TBC1D14: variants seen among roughly 807,000 people sequenced by gnomAD.
TBC1D14 encodes TBC1 domain family, member 14.
A neutral mutation model predicts 79.0 loss-of-function variants in TBC1D14; 26 were observed. The observed-to-expected ratio is 0.33, with a 90% CI of 0.24 to 0.46. The LOEUF (loss-of-function observed/expected upper bound fraction) is 0.46, where lower values mean the gene tolerates loss of function less well. Among genes scored for constraint, TBC1D14 ranks in the 20% least tolerant of loss-of-function variants. The probability of loss-of-function intolerance (pLI) is 1.00; values close to 1 mark genes in which losing one functional copy is unlikely to be tolerated. For missense variants in TBC1D14, 769 were observed against 887.6 expected (o/e 0.87, Z 1.70); for synonymous variants, 394 against 349.9 (o/e 1.13, Z -1.40).
intron 2 of TBC1D14, among the ~76,000 whole-genome samples, chr4:6,944,020 C>T (rs1167535279): frequency 2.0e-5 from 2 of 101,812 alleles, no homozygotes; most frequent in African/African-American, 6.2e-5. Flanking sequence ...GAAGCCGGCG[C>T]GTTCTGCCGG....
intron 2 of TBC1D14, among the ~76,000 whole-genome samples, chr4:6,957,904 AAAAT>A (rs765150154): frequency 3.3e-5 from 5 of 151,800 alleles, no homozygotes; most frequent in Admixed American, 6.6e-5. Context: ...CTCTCAGGAA[AAAAT>A]AAATAAATAA....
intron 8 of TBC1D14, among the ~76,000 whole-genome samples, chr4:7,006,075 C>G (rs916277781): frequency 2.6e-5 from 4 of 152,120 alleles, no homozygotes; most frequent in Non-Finnish European, 4.4e-5. Context: ...CACAGTGGCT[C>G]GTGCCTGTAA....
intron 1 of TBC1D14, among the ~76,000 whole-genome samples, chr4:6,917,182 T>C (rs150586544): frequency 0.013 from 1,956 of 152,332 alleles, 15 homozygotes; most frequent in Middle Eastern, 0.041. Context: ...AGATGTTTCT[T>C]GGCTGGGACT....
At chr4:7,028,732 C>G (rs1346869734) in intron 13 of TBC1D14, among the ~76,000 whole-genome samples, 1 of 151,756 alleles carries the variant, frequency 6.6e-6, no homozygotes, top group Non-Finnish European at 1.5e-5. Context: ...GTCCAGGCAT[C>G]AGTAACTTTT....
At chr4:6,989,056 A>C (rs1317291131) in intron 3 of TBC1D14, among the ~76,000 whole-genome samples, 1 of 151,716 alleles carries the variant, frequency 6.6e-6, no homozygotes, top group East Asian at 1.9e-4. Context: ...ATACTTCTTC[A>C]TTGTTTGAGA....
chr4:7,010,832 G>T (rs1202538455), intron 11 of TBC1D14, 51 bp downstream of exon 11: 3 of 1,575,424 alleles, frequency 1.9e-6, no homozygotes, highest in African/African-American at 1.4e-5. Context: ...TAAATGTCAA[G>T]AGTTGCTTAC....
chr4:6,978,097 GC>G (rs1716966327), intron 3 of TBC1D14, among the ~76,000 whole-genome samples: 1 of 142,580 alleles, frequency 7.0e-6, no homozygotes, highest in African/African-American at 2.6e-5. Context: ...CTGGCCAGCC[GC>G]CCCATCCGGG....
At chr4:6,925,044 A>G (rs1724177651) in intron 2 of TBC1D14, among the ~76,000 whole-genome samples, 1 of 152,054 alleles carries the variant, frequency 6.6e-6, no homozygotes, top group Non-Finnish European at 1.5e-5. Context: ...TGTAATCTCA[A>G]CACTTTGGGA....
chr4:6,979,058 GA>G (rs1250356565), intron 3 of TBC1D14, among the ~76,000 whole-genome samples: 2 of 152,126 alleles, frequency 1.3e-5, no homozygotes, highest in African/African-American at 4.8e-5. Flanking sequence ...AGTAGATTGT[GA>G]AAAGTTAATA....
intron 3 of TBC1D14, among the ~76,000 whole-genome samples, chr4:6,980,038 A>G (rs1717224722): frequency 6.6e-6 from 1 of 152,250 alleles, no homozygotes; most frequent in Admixed American, 6.5e-5. Flanking sequence ...AATGAACACC[A>G]TCAACCAACC....
rs1402648488 is a variant in TBC1D14, at chr4:7,004,828, G to GA, written c.1271-15dup. On this transcript the variant is annotated splice_polypyrimidine_tract_variant and intron_variant, in intron 7 of 13. Coordinates refer to ENST00000409757, the MANE Select transcript of TBC1D14 (RefSeq NM_020773.3). ...TACATGTGCACGTAATACTTACCCAGAGGCTTTTCTTCCAGAGCTCTTTGA... is the reference window on the plus strand; with the variant it reads ...TACATGTGCACGTAATACTTACCCAGAAGGCTTTTCTTCCAGAGCTCTTTGA... 3 of 1,613,866 alleles carry GA rather than the reference G, an allele frequency of 1.9e-6. No homozygotes were observed. The highest frequency in any genetic ancestry group is 2.5e-6 in the Non-Finnish European group (3 of 1,179,898).
intron 9 of TBC1D14, among the ~76,000 whole-genome samples, chr4:7,009,036 C>T (rs1720492706): frequency 6.6e-6 from 1 of 152,186 alleles, no homozygotes; most frequent in African/African-American, 2.4e-5. Flanking sequence ...TTACTTAGCT[C>T]TTTTCACATG....
intron 2 of TBC1D14, among the ~76,000 whole-genome samples, chr4:6,946,810 TCC>T (rs1215723632): frequency 2.0e-5 from 3 of 152,184 alleles, no homozygotes; most frequent in African/African-American, 7.2e-5. Flanking sequence ...CCCACGTATA[TCC>T]CCTCCCACCT....
chr4:6,928,368 A>G (rs1724451048), intron 2 of TBC1D14, among the ~76,000 whole-genome samples: 1 of 152,180 alleles, frequency 6.6e-6, no homozygotes, highest in Non-Finnish European at 1.5e-5. Flanking sequence ...ACCAAGTGTA[A>G]TTCACAGGCA....
At chr4:6,914,029 A>G (rs1560236235) in intron 1 of TBC1D14, among the ~76,000 whole-genome samples, 1 of 151,708 alleles carries the variant, frequency 6.6e-6, no homozygotes, top group African/African-American at 2.4e-5. Context: ...GGTCCCAGCT[A>G]CTCAGGATGC....
intron 5 of TBC1D14, among the ~76,000 whole-genome samples, chr4:6,998,171 C>A (rs1190958679): frequency 3.9e-5 from 6 of 151,982 alleles, no homozygotes; most frequent in African/African-American, 1.4e-4. Context: ...ACCAGCCTGG[C>A]CAACATGGTA....
intron 8 of TBC1D14, 62 bp from the exon 9 acceptor site, chr4:7,006,570 C>A: frequency 6.8e-7 from 1 of 1,469,090 alleles, no homozygotes; most frequent in Non-Finnish European, 9.4e-7. Context: ...ACTTCAAAGG[C>A]TCGTAATTGT....
chr4:6,994,015 A>C (rs1560321023), intron 3 of TBC1D14, among the ~76,000 whole-genome samples, 169 bp from the exon 4 acceptor site: 1 of 152,352 alleles, frequency 6.6e-6, no homozygotes, highest in East Asian at 1.9e-4. Flanking sequence ...ATCTCCAGAA[A>C]GACCCCTTTA....
Position 6,999,135 on chromosome 4 carries a change from G to C in TBC1D14, c.1096G>C (p.Val366Leu). The C allele has an allele frequency of 6.2e-7, 1 of 1,614,224 alleles. No individual in the cohort carries two copies. Residue 366 changes from valine (V) to leucine (L), a missense_variant, in exon 6 of 14, where the codon GTC (valine) becomes CTC (leucine). Val to Leu is a conservative substitution (Grantham distance 32). Around this residue, in one of 2 missense-constraint regions of TBC1D14, gnomAD observed 367 missense variants for 494.4 expected, o/e 0.74. Transcript: ENST00000409757. ...RKKQLEERCRVEESIGNAVLT... is the reference protein window; with the variant it reads ...RKKQLEERCRLEESIGNAVLT... ...GAAGCAGCTGGAAGAAAGATGCAGA[G>C]TCGAGGAAAGCATTGGAAACGCTGT...
Sources: allele counts gnomAD v4.1 joint callset (sites outside exome capture counted in the v4.1 genomes callset), GRCh38; gene constraint gnomAD v4.1.1; regional missense constraint gnomAD v4.1.1; transcripts MANE v1.5; gene names NCBI Gene and HGNC (gene_info 2026-07-23, HGNC 2026-07-21).